The following AHNAK variants were observed in gnomAD, a reference collection of about 807,000 sequenced individuals.
AHNAK encodes AHNAK nucleoprotein.
A neutral mutation model predicts 37.8 loss-of-function variants in AHNAK; 23 were observed. That is an observed-to-expected ratio of 0.61 (90% CI 0.44 to 0.86). The LOEUF is 0.86. AHNAK is among the 40% of genes least tolerant of loss of function. The probability of loss-of-function intolerance (pLI) is 0.00; values close to 1 mark genes in which losing one functional copy is unlikely to be tolerated. For synonymous variants in AHNAK, 2,481 were observed against 2,636.3 expected (o/e 0.94, Z 1.80); for missense variants, 7,411 against 7,319.4 (o/e 1.01, Z -0.46).
rs761815275 is a variant in AHNAK, at chr11:62,530,122, G to A, written c.4295C>T (p.Ala1432Val). Residue 1432 changes from alanine (A) to valine (V), a missense_variant, in exon 5 of 5, where the codon GCA becomes GTA. Physicochemically the swap from Ala to Val is moderately conservative, Grantham distance 64 (BLOSUM62 0). Transcript: ENST00000378024. ...VPDVNIEGPD[A>V]KLKGPKFKMP... ...CTTGAATTTGGGACCTTTTAGTTTT[G>A]CGTCTGGACCTTCAATATTCACATC... 9 of 1,613,682 alleles carry A rather than the reference G, an allele frequency of 5.6e-6. No individual in the cohort carries two copies. The East Asian group carries it at 1.8e-4, about 32-fold the overall frequency.
chr11:62,478,836 C>T (rs1483035076), intron 5 of AHNAK, among the ~76,000 whole-genome samples: 1 of 151,268 alleles, frequency 6.6e-6, no homozygotes, highest in Non-Finnish European at 1.5e-5. Context: ...AAAAAAATCC[C>T]TCCTAGGCCT....
Position 62,525,085 on chromosome 11 carries a change from A to C in AHNAK, c.9332T>G (p.Val3111Gly). Residue 3111 changes from valine (V) to glycine (G), a missense_variant, in exon 5 of 5, where the codon GTG becomes GGG. Physicochemically the swap from Val to Gly is moderately radical, Grantham distance 109. Coordinates refer to ENST00000378024, the MANE Select transcript of AHNAK (RefSeq NM_001620.3). ...KGPKVKGDMD[V>G]SLPKVEGDMK... ...GTCACCTTCCACTTTTGGCAGAGAC[A>C]CATCCATGTCACCCTTCACTTTGGG... 1 of 1,614,162 alleles carries C rather than the reference A, an allele frequency of 6.2e-7. No individual in the cohort carries two copies. The highest frequency in any genetic ancestry group is 2.2e-5 in the East Asian group (1 of 44,882).
Position 62,530,992 on chromosome 11 carries a change from T to C in AHNAK, c.3425A>G (p.Glu1142Gly). ...PKFSMPSLKG[E>G]GPEVDVNLPK... is the part of the protein sequence containing the mutation. ...CAAGTTCACATCCACTTCTGGGCCC[T>C]CGCCTTTGAGGCTGGGCATGCTGAA... Residue 1142 changes from glutamate to glycine, a missense_variant, in exon 5 of 5, where the codon GAG (glutamate) becomes GGG (glycine). By Grantham distance (98) the Glu-to-Gly change is moderately conservative. Coordinates refer to ENST00000378024, the MANE Select transcript of AHNAK (RefSeq NM_001620.3). 1 of 1,614,162 alleles carries C rather than the reference T, an allele frequency of 6.2e-7. No individual in the cohort carries two copies. The highest frequency in any genetic ancestry group is 8.5e-7 in the Non-Finnish European group (1 of 1,180,026).
chr11:62,526,835 G>A lies in AHNAK; in HGVS notation c.7582C>T (p.Pro2528Ser), dbSNP rs151063380. The A allele has an allele frequency of 1.2e-6, 2 of 1,613,174 alleles. No individual in the cohort carries two copies. Among genetic ancestry groups the A allele is most frequent in the Non-Finnish European group, 1.7e-6 (2 of 1,179,848 alleles). ...FSMPGFKAEG[P>S]EVDVNLPKAD... ...TTAGGCAAGTTGACGTCTACTTCAGGGCCCTCTGCTTTGAAGCCAGGCATG... is the reference window on the plus strand; with the variant it reads ...TTAGGCAAGTTGACGTCTACTTCAGAGCCCTCTGCTTTGAAGCCAGGCATG... The change falls in exon 5 of 5, where the codon CCT becomes TCT. Residue 2528 changes from proline (P) to serine (S), a missense_variant. Transcript: ENST00000378024.
At chr11:62,469,129 T>G (rs1047971305) in intron 5 of AHNAK, among the ~76,000 whole-genome samples, 1 of 152,134 alleles carries the variant, frequency 6.6e-6, no homozygotes, top group African/African-American at 2.4e-5. Context: ...TGATTTCCTT[T>G]TTCTTTTTTT....
chr11:62,504,238 T>C (rs1939766174), intron 4 of AHNAK, among the ~76,000 whole-genome samples: 1 of 151,858 alleles, frequency 6.6e-6, no homozygotes, highest in Non-Finnish European at 1.5e-5. Flanking sequence ...GTCTTAGATA[T>C]GATTCAAGAG....
intron 5 of AHNAK, among the ~76,000 whole-genome samples, chr11:62,434,553 C>A (rs1418764801): frequency 6.6e-6 from 1 of 152,204 alleles, no homozygotes; most frequent in Admixed American, 6.5e-5. Flanking sequence ...TCACCTCCCA[C>A]GTGGGCCTGC....
chr11:62,497,879 G>C (rs1026629113), intron 4 of AHNAK, among the ~76,000 whole-genome samples: 1 of 151,840 alleles, frequency 6.6e-6, no homozygotes, highest in Non-Finnish European at 1.5e-5. Context: ...CAGGAGAATC[G>C]CTTGAACCTG....
At chr11:62,505,544 G>A (rs1280797597) in intron 4 of AHNAK, among the ~76,000 whole-genome samples, 1 of 152,178 alleles carries the variant, frequency 6.6e-6, no homozygotes, top group East Asian at 1.9e-4. Flanking sequence ...TGCCAGGAGG[G>A]ATTTATGGAG....
rs1247230619 is a variant in AHNAK at position 62,444,147 on chromosome 11, A to C, written c.443-10256T>G. On this transcript the variant is annotated intron_variant, in intron 5 of 5. Coordinates refer to the AHNAK transcript ENST00000257247. ...GCCCCCTCCACCCACCCGGCCTCGT[A>C]ACAACCCTGGCGATAACACAAAAGG... is the stretch of plus-strand genomic sequence containing the variant. Among the ~76,000 whole-genome samples, 4 of 152,174 alleles carry C rather than the reference A, an allele frequency of 2.6e-5. No homozygotes were observed. In the East Asian group the frequency reaches 7.7e-4, roughly 29 times the overall value.
Position 62,526,311 on chromosome 11 carries a change from G to C in AHNAK, c.8106C>G (p.Ile2702Met). Residue 2702 changes from isoleucine (I) to methionine (M), a missense_variant, in exon 5 of 5, where the codon ATC becomes ATG. Transcript: ENST00000378024. The stretch of plus-strand genomic sequence containing the variant: ...CAGGCATGGAGATCTTGGGGGCTTT[G>C]ATATTCATCTCTGGCATCTTGAACT... The part of the protein sequence containing the change: ...GPKFKMPEMN[I>M]KAPKISMPDI... The C allele has an allele frequency of 1.2e-6, 2 of 1,613,470 alleles. No individual in the cohort carries two copies. The highest frequency in any genetic ancestry group is 1.1e-5 in the South Asian group (1 of 91,046).
intron 2 of AHNAK, 55 bp from the exon 3 acceptor site, chr11:62,536,153 G>A: frequency 6.7e-7 from 1 of 1,497,520 alleles, no homozygotes; most frequent in South Asian, 1.3e-5. Flanking sequence ...AGGACATGAG[G>A]GCATGGGAAA....
intron 5 of AHNAK, among the ~76,000 whole-genome samples, chr11:62,451,083 CTTT>C (rs555597390): frequency 2.9e-5 from 4 of 140,202 alleles, no homozygotes; most frequent in Non-Finnish European, 4.7e-5. Flanking sequence ...TTCCTGGAAT[CTTT>C]TTTTTTTTTT....
chr11:62,524,874 G>C lies in AHNAK; in HGVS notation c.9543C>G (p.Val3181=). The C allele has an allele frequency of 3.1e-6, 5 of 1,614,132 alleles. No homozygotes were observed. The highest frequency in any genetic ancestry group is 3.4e-6 in the Non-Finnish European group (4 of 1,180,034). Residue 3181 remains valine, a synonymous_variant, in exon 5 of 5, where the codon GTC becomes GTG. Transcript: ENST00000378024. ...DVNLPKADLD[V]SGPKVDVDVP... ...CATCAACGTCCACCTTGGGTCCTGA[G>C]ACGTCAAGGTCAGCCTTGGGCAGGT...
At chr11:62,458,915 C>G (rs1268214374) in intron 5 of AHNAK, among the ~76,000 whole-genome samples, 2 of 152,164 alleles carry the variant, frequency 1.3e-5, no homozygotes, top group Non-Finnish European at 2.9e-5. Flanking sequence ...CTGCTGGATT[C>G]TATGTTTAAC....
chr11:62,496,059 AAAG>A (rs1411788240), intron 4 of AHNAK, among the ~76,000 whole-genome samples: 1 of 152,024 alleles, frequency 6.6e-6, no homozygotes, highest in Non-Finnish European at 1.5e-5. Flanking sequence ...AAAAAAAAAA[AAAG>A]AAGAAAGAAA....
rs139799392 is a variant in AHNAK, at chr11:62,530,123, C to T, written c.4294G>A (p.Ala1432Thr). 124 of 1,613,990 alleles carry T rather than the reference C, an allele frequency of 7.7e-5. No homozygotes were observed. Among genetic ancestry groups the T allele is most frequent in the South Asian group, 8.8e-5 (8 of 91,084 alleles). The change falls in exon 5 of 5, where the codon GCA becomes ACA. Residue 1432 changes from alanine to threonine, a missense_variant. By Grantham distance (58) the Ala-to-Thr change is moderately conservative (BLOSUM62 0). Coordinates refer to ENST00000378024, the MANE Select transcript of AHNAK (RefSeq NM_001620.3). ...TTGAATTTGGGACCTTTTAGTTTTG[C>T]GTCTGGACCTTCAATATTCACATCT... ...VPDVNIEGPD[A>T]KLKGPKFKMP...
In AHNAK at chr11:62,530,110, C is replaced by T; in HGVS notation, c.4307G>A (p.Gly1436Asp). The T allele has an allele frequency of 6.2e-7, 1 of 1,614,068 alleles. No homozygotes were observed. Among genetic ancestry groups the T allele is most frequent in the Non-Finnish European group, 8.5e-7 (1 of 1,179,996 alleles). The change falls in exon 5 of 5, where the codon GGT becomes GAT. Residue 1436 changes from glycine to aspartate, a missense_variant. Transcript: ENST00000378024. ...CATTTCTGGCATCTTGAATTTGGGA[C>T]CTTTTAGTTTTGCGTCTGGACCTTC... ...NIEGPDAKLKGPKFKMPEMSI... is the reference protein window; with the variant it reads ...NIEGPDAKLKDPKFKMPEMSI...
chr11:62,544,740 G>A (rs1247064550), intron 1 of AHNAK, among the ~76,000 whole-genome samples: 1 of 152,198 alleles, frequency 6.6e-6, no homozygotes, highest in Non-Finnish European at 1.5e-5. Context: ...GCTTCTGAAA[G>A]GAAGTGAGTG....
Sources: allele counts gnomAD v4.1 joint callset (sites outside exome capture counted in the v4.1 genomes callset), GRCh38; gene constraint gnomAD v4.1.1; transcripts MANE v1.5; gene names NCBI Gene and HGNC (gene_info 2026-07-23, HGNC 2026-07-21).